The following LRRC37A3 variants were observed in gnomAD, a reference collection of about 807,000 sequenced individuals.
LRRC37A3 encodes the protein leucine-rich repeat-containing protein 37A3.
Under a neutral mutation model 106.2 loss-of-function variants are expected in LRRC37A3, and 25 were observed. That is an observed-to-expected ratio of 0.24 (90% CI 0.17 to 0.33). The LOEUF (loss-of-function observed/expected upper bound fraction) is 0.33, where lower values mean the gene tolerates loss of function less well. Ranked by LOEUF, LRRC37A3 falls within the 10% of genes least tolerant of loss-of-function variation. The probability of loss-of-function intolerance (pLI) is 1.00; values close to 1 mark genes in which losing one functional copy is unlikely to be tolerated. For synonymous variants in LRRC37A3, 305 were observed against 635.8 expected (o/e 0.48, Z 7.83); for missense variants, 712 against 1,644.9 (o/e 0.43, Z 9.81).
chr17:64,855,958 T>C, intron 13 of LRRC37A3, 69 bp from the exon 14 acceptor site: 2 of 1,608,006 alleles, frequency 1.2e-6, no homozygotes, highest in Admixed American at 3.3e-5. Flanking sequence ...CTGTATTGAT[T>C]CCTTTTATTC....
intron 8 of LRRC37A3, among the ~76,000 whole-genome samples, chr17:64,879,726 C>T (rs1458432067): frequency 2.6e-5 from 4 of 152,140 alleles, no homozygotes; most frequent in Admixed American, 2.6e-4. Flanking sequence ...GTCGGCTACC[C>T]CCTCATTCTA....
Position 64,890,617 on chromosome 17 carries a change from C to T in LRRC37A3, c.2682-865G>A, listed in dbSNP as rs1045373912. Reference sequence around the variant, plus strand: ...AAAGCCAAGGTGGGTGAATCACCCACGGTCATGAGTTTGAGACCAGCCTGG... The same window carrying T: ...AAAGCCAAGGTGGGTGAATCACCCATGGTCATGAGTTTGAGACCAGCCTGG... On this transcript the variant is annotated intron_variant, in intron 5 of 14. Transcript: ENST00000584306. 4.7e-4 allele frequency among the ~76,000 whole-genome samples: 57 copies of T among 120,406 alleles called. 1 individual carries two copies. Among genetic ancestry groups the T allele is most frequent in the Non-Finnish European group, 8.0e-4 (50 of 62,268 alleles). 79.0% of individuals were successfully genotyped at this position (120,406 alleles called of 152,430 possible). A position where few individuals can be genotyped will look rare whatever the true frequency, so the allele number is the denominator to read the frequency against.
chr17:64,870,064 C>A (rs1441735006), intron 8 of LRRC37A3, among the ~76,000 whole-genome samples: 1 of 148,602 alleles, frequency 6.7e-6, no homozygotes, highest in Non-Finnish European at 1.5e-5. Flanking sequence ...ACTATGAGCG[C>A]TTTGAGGGCA....
rs1244805450 is a variant in LRRC37A3 at position 64,869,116 on chromosome 17, T to A, written c.2957A>T (p.Lys986Ile). 1 of 1,612,552 alleles carries A rather than the reference T, an allele frequency of 6.2e-7. No homozygotes were observed. The highest frequency in any genetic ancestry group is 2.2e-5 in the East Asian group (1 of 44,794). Residue 986 changes from lysine (K) to isoleucine (I), a missense_variant, in exon 9 of 15, where the codon AAA (lysine) becomes ATA (isoleucine). Transcript: ENST00000584306. ...LTTVEDPYLF[K>I]LPALKYLDMG... ...TTACAGATATTTTAATGCTGGCAAT[T>A]TAAAGAGATATGGATCTTCAACAGT...
chr17:64,883,488 G>A (rs1382744699), intron 8 of LRRC37A3, among the ~76,000 whole-genome samples: 1 of 151,920 alleles, frequency 6.6e-6, no homozygotes, highest in Non-Finnish European at 1.5e-5. Flanking sequence ...AAAATTTCCA[G>A]GGGCCCTCCC....
intron 2 of LRRC37A3, among the ~76,000 whole-genome samples, chr17:64,912,569 G>T (rs1320337697): frequency 6.6e-6 from 1 of 151,472 alleles, no homozygotes; most frequent in South Asian, 2.1e-4. Flanking sequence ...CCAAAAATAG[G>T]CAGAAAAAAG....
intron 5 of LRRC37A3, among the ~76,000 whole-genome samples, chr17:64,890,143 C>A (rs1447411405): frequency 8.3e-6 from 1 of 119,794 alleles, no homozygotes; most frequent in African/African-American, 4.9e-5. Context: ...CATGTCAGGG[C>A]TGCAAGTGAA....
intron 10 of LRRC37A3, among the ~76,000 whole-genome samples, chr17:64,866,722 C>T (rs1973123026): frequency 7.4e-6 from 1 of 134,540 alleles, no homozygotes; most frequent in African/African-American, 2.7e-5. Context: ...CCTCCACCTC[C>T]TGGGTTCAAG....
At chr17:64,874,583 C>T (rs540133445) in intron 8 of LRRC37A3, among the ~76,000 whole-genome samples, 3 of 152,370 alleles carry the variant, frequency 2.0e-5, no homozygotes, top group East Asian at 3.9e-4. Flanking sequence ...GGCCGCCACC[C>T]CATCTGGGAG....
Position 64,899,655 on chromosome 17 carries a change from A to G in LRRC37A3, c.-495-1196T>C, listed in dbSNP as rs1156242842. The G allele has an allele frequency of 2.1e-5, 3 of 146,216 alleles. No individual in the cohort carries two copies. In the South Asian group the frequency reaches 6.3e-4, roughly 31 times the overall value. The allele number at this position is 146,216 out of a possible 1,614,324, so 9.1% of individuals were successfully genotyped here. The stretch of plus-strand genomic sequence containing the variant: ...TATTTGAAAGGCATTATAGTTTTCA[A>G]AAGCTGTAGCGCAATCATTCTTAAG... On this transcript the variant is annotated intron_variant, in intron 2 of 14. Coordinates refer to ENST00000584306, the MANE Select transcript of LRRC37A3 (RefSeq NM_199340.5).
chr17:64,861,811 T>TG (rs1972882341), intron 11 of LRRC37A3, among the ~76,000 whole-genome samples: 1 of 152,202 alleles, frequency 6.6e-6, no homozygotes, highest in Non-Finnish European at 1.5e-5. Context: ...ATATTTTGGA[T>TG]GGGGAATCAT....
intron 8 of LRRC37A3, among the ~76,000 whole-genome samples, chr17:64,873,533 G>C (rs1411626624): frequency 1.7e-4 from 26 of 150,662 alleles, no homozygotes; most frequent in Non-Finnish European, 1.2e-4. Flanking sequence ...CTGTAGACTA[G>C]AGAACTAAAG....
At chr17:64,916,819 A>G (rs886300187) in intron 2 of LRRC37A3, among the ~76,000 whole-genome samples, 2 of 151,292 alleles carry the variant, frequency 1.3e-5, no homozygotes, top group African/African-American at 4.9e-5. Flanking sequence ...ATTTTTCCAT[A>G]AACAATGATA....
rs917684847 is a variant in LRRC37A3 at position 64,918,906 on chromosome 17, G to C, written c.-616-36C>G. On this transcript the variant is annotated intron_variant, in intron 1 of 14. Coordinates refer to ENST00000584306, the MANE Select transcript of LRRC37A3 (RefSeq NM_199340.5). ...CAAAAAATTAGCTGGGTGTGGCAGC[G>C]AGCACCTGTAGTGACTACACCACTT... 182 of 633,490 alleles carry C rather than the reference G, an allele frequency of 2.9e-4. 3 individuals carry two copies. Among genetic ancestry groups the C allele is most frequent in the Non-Finnish European group, 4.0e-4 (177 of 439,400 alleles). 39.2% of individuals were successfully genotyped at this position (633,490 alleles called of 1,614,324 possible).
chr17:64,876,414 G>C (rs1306869874), intron 8 of LRRC37A3, among the ~76,000 whole-genome samples: 1 of 152,024 alleles, frequency 6.6e-6, no homozygotes, highest in Non-Finnish European at 1.5e-5. Flanking sequence ...TGAACTCCTG[G>C]GGTCAAGCAA....
chr17:64,857,524 T>C (rs1972717765), intron 13 of LRRC37A3, among the ~76,000 whole-genome samples: 1 of 152,176 alleles, frequency 6.6e-6, no homozygotes, highest in African/African-American at 2.4e-5. Flanking sequence ...AGGGCCTCGC[T>C]GTGTTGCCCA....
chr17:64,856,572 G>GTT (rs1031817996), intron 13 of LRRC37A3, among the ~76,000 whole-genome samples: 13 of 149,106 alleles, frequency 8.7e-5, no homozygotes, highest in African/African-American at 3.3e-4. Context: ...TATTTTTATT[G>GTT]TTTTTTTTTT....
chr17:64,913,437 T>C (rs1234392463), intron 2 of LRRC37A3, among the ~76,000 whole-genome samples: 2 of 151,764 alleles, frequency 1.3e-5, no homozygotes, highest in Non-Finnish European at 1.5e-5. Context: ...AACTCCCGGA[T>C]TCAAGTGATT....
intron 10 of LRRC37A3, among the ~76,000 whole-genome samples, chr17:64,864,181 T>C (rs940492027): frequency 6.6e-6 from 1 of 151,986 alleles, no homozygotes; most frequent in African/African-American, 2.4e-5. Flanking sequence ...GTGATCAAAC[T>C]TAGTATTACA....
Sources: allele counts gnomAD v4.1 joint callset (sites outside exome capture counted in the v4.1 genomes callset), GRCh38; gene constraint gnomAD v4.1.1; transcripts MANE v1.5; gene names NCBI Gene and HGNC (gene_info 2026-07-23, HGNC 2026-07-21).